The following ZBTB20 variants were observed in gnomAD, a reference collection of about 807,000 sequenced individuals.
The protein encoded by ZBTB20 is zinc finger and BTB domain containing 20.
In ZBTB20, 9 loss-of-function variants were observed where a neutral mutation model predicts 56.9. The observed-to-expected ratio is 0.16, with a 90% CI of 0.10 to 0.28. ZBTB20 has a LOEUF of 0.28. Ranked by LOEUF, ZBTB20 falls within the 10% of genes least tolerant of loss-of-function variation. The probability of loss-of-function intolerance (pLI) is 1.00; values close to 1 mark genes in which losing one functional copy is unlikely to be tolerated. For synonymous variants in ZBTB20, 417 were observed against 420.7 expected, an observed-to-expected ratio of 0.99 and a Z score of 0.11; for missense variants, 655 against 1,003.0, an observed-to-expected ratio of 0.65 and a Z score of 4.69.
chr3:114,884,404 G>GT (rs1394772964), intron 4 of ZBTB20, among the ~76,000 whole-genome samples: 1 of 152,200 alleles, frequency 6.6e-6, no homozygotes, highest in South Asian at 2.1e-4. Flanking sequence ...GTTCACAGTA[G>GT]ACGGCCTACT....
intron 3 of ZBTB20, among the ~76,000 whole-genome samples, chr3:114,907,743 T>C (rs974904480): frequency 2.6e-5 from 4 of 151,912 alleles, no homozygotes; most frequent in Non-Finnish European, 1.5e-5. Context: ...TCATTTATTC[T>C]AAAATGTTTA....
At chr3:114,927,950 C>A (rs1213649316) in intron 3 of ZBTB20, among the ~76,000 whole-genome samples, 1 of 152,148 alleles carries the variant, frequency 6.6e-6, no homozygotes, top group African/African-American at 2.4e-5. Context: ...CTTTGATATA[C>A]CCCTGGATGT....
At chr3:114,410,022 A>G (rs137905778) in intron 7 of ZBTB20, among the ~76,000 whole-genome samples, 1 of 152,256 alleles carries the variant, frequency 6.6e-6, no homozygotes, top group African/African-American at 2.4e-5. Flanking sequence ...GCCTTTATCG[A>G]AGTCTGGGTG....
chr3:114,802,372 G>C (rs1341294869), intron 4 of ZBTB20, among the ~76,000 whole-genome samples: 2 of 151,686 alleles, frequency 1.3e-5, no homozygotes, highest in African/African-American at 4.8e-5. Flanking sequence ...TTTTTCTCTT[G>C]AAATGTATAG....
chr3:115,013,460 C>A (rs186403882), intron 2 of ZBTB20, among the ~76,000 whole-genome samples: 2 of 151,622 alleles, frequency 1.3e-5, no homozygotes, highest in Admixed American at 6.6e-5. Context: ...TAGACACATG[C>A]AAGCTACTAA....
intron 6 of ZBTB20, among the ~76,000 whole-genome samples, chr3:114,551,881 A>G (rs2050621297): frequency 6.6e-6 from 1 of 152,192 alleles, no homozygotes; most frequent in African/African-American, 2.4e-5. Flanking sequence ...AACTTTTATT[A>G]AGAACACTTT....
intron 6 of ZBTB20, chr3:114,518,445 G>T (rs571899252): frequency 2.0e-5 from 3 of 152,232 alleles, no homozygotes; most frequent in South Asian, 4.2e-4. Flanking sequence ...AATCAAAGCC[G>T]TTTTGAGGTT....
intron 4 of ZBTB20, among the ~76,000 whole-genome samples, chr3:114,815,548 A>G (rs1049329942): frequency 6.6e-6 from 1 of 152,200 alleles, no homozygotes; most frequent in African/African-American, 2.4e-5. Context: ...CAACGGAAAT[A>G]TTTCAAGTAT....
At chr3:114,828,866 C>T (rs542196333) in intron 4 of ZBTB20, among the ~76,000 whole-genome samples, 1 of 151,848 alleles carries the variant, frequency 6.6e-6, no homozygotes, top group South Asian at 2.1e-4. Flanking sequence ...TTAAAATCAG[C>T]TTGAGGCTTT....
At chr3:114,423,916 C>A (rs1215296848) in intron 7 of ZBTB20, among the ~76,000 whole-genome samples, 1 of 152,150 alleles carries the variant, frequency 6.6e-6, no homozygotes, top group Non-Finnish European at 1.5e-5. Flanking sequence ...CTGAGCCATC[C>A]CACATGCTAA....
intron 7 of ZBTB20, among the ~76,000 whole-genome samples, chr3:114,422,711 T>A (rs772204487): frequency 6.6e-6 from 1 of 152,222 alleles, no homozygotes; most frequent in Non-Finnish European, 1.5e-5. Context: ...CTGGTTTTGA[T>A]GTAACCGCTG....
chr3:114,397,211 T>C (rs1344830221), intron 7 of ZBTB20, among the ~76,000 whole-genome samples: 2 of 152,176 alleles, frequency 1.3e-5, no homozygotes, highest in Non-Finnish European at 1.5e-5. Flanking sequence ...AGGCTACACA[T>C]GCATGCTACC....
chr3:115,060,878 A>T (rs2108475447), intron 2 of ZBTB20, among the ~76,000 whole-genome samples: 1 of 152,282 alleles, frequency 6.6e-6, no homozygotes, highest in East Asian at 1.9e-4. Flanking sequence ...TGGTTTCTAC[A>T]TGGTCACAAA....
intron 2 of ZBTB20, among the ~76,000 whole-genome samples, chr3:115,020,637 A>C (rs2080166156): frequency 6.6e-6 from 1 of 150,874 alleles, no homozygotes; most frequent in Admixed American, 6.6e-5. Context: ...TAGAGACTTT[A>C]TTGTACTGTA....
chr3:114,961,126 A>T (rs78017695), intron 3 of ZBTB20, among the ~76,000 whole-genome samples: 1 of 151,692 alleles, frequency 6.6e-6, no homozygotes, highest in African/African-American at 2.4e-5. Context: ...AAAAAAAAAA[A>T]TACATGATAA....
intron 2 of ZBTB20, among the ~76,000 whole-genome samples, chr3:115,069,783 CT>C (rs2082339966): frequency 6.6e-6 from 1 of 151,268 alleles, no homozygotes; most frequent in South Asian, 2.1e-4. Context: ...TGATGGCTAA[CT>C]TTTTTTAGTA....
chr3:114,393,408 TAA>T (rs2086060659), intron 7 of ZBTB20, among the ~76,000 whole-genome samples: 1 of 152,258 alleles, frequency 6.6e-6, no homozygotes, highest in Non-Finnish European at 1.5e-5. Flanking sequence ...ATTTTATAAT[TAA>T]TACAACCATA....
Position 114,330,296 on chromosome 3 carries a change from G to T in ZBTB20, c.*8709C>A, listed in dbSNP as rs1420398665. ...TGCACCAGATTAACTGCAGCAGGTT[G>T]GTGATGGGTGATATAAGCAAAGACA... On this transcript the variant is annotated 3_prime_UTR_variant, in exon 12 of 12. Coordinates refer to ENST00000675478, the MANE Select transcript of ZBTB20 (RefSeq NM_001348800.3). The T allele has an allele frequency of 1.3e-5, 2 of 152,122 alleles. No individual in the cohort carries two copies. The highest frequency in any genetic ancestry group is 3.8e-4 in the East Asian group (2 of 5,200). 9.4% of individuals were successfully genotyped at this position (152,122 alleles called of 1,614,324 possible).
At chr3:115,073,270 A>G (rs1183296395) in intron 1 of ZBTB20, among the ~76,000 whole-genome samples, 1 of 152,206 alleles carries the variant, frequency 6.6e-6, no homozygotes, top group East Asian at 1.9e-4. Flanking sequence ...TTTCTTTTCC[A>G]TGTATTCAAC....
Sources: gnomAD v4.1 joint callset for allele counts (sites outside exome capture counted in the v4.1 genomes callset) on GRCh38, gnomAD v4.1.1 for gene constraint, MANE v1.5 for transcripts, NCBI Gene and HGNC (gene_info 2026-07-23, HGNC 2026-07-21) for gene names.